NRXN1: variants seen among roughly 807,000 people sequenced by gnomAD.
The protein encoded by NRXN1 is neurexin-1.
In NRXN1, 39 loss-of-function variants were observed where a neutral mutation model predicts 150.9. The observed-to-expected ratio is 0.26, with a 90% CI of 0.20 to 0.34. The LOEUF (loss-of-function observed/expected upper bound fraction) is 0.34, where lower values mean the gene tolerates loss of function less well. Among genes scored for constraint, NRXN1 ranks in the 10% least tolerant of loss-of-function variants. The pLI, the probability that NRXN1 is intolerant of heterozygous loss-of-function variation, is 1.00. For synonymous variants in NRXN1, 924 were observed against 757.0 expected, an observed-to-expected ratio of 1.22 and a Z score of -3.62; for missense variants, 1,815 against 1,949.9, an observed-to-expected ratio of 0.93 and a Z score of 1.30.
intron 17 of NRXN1, among the ~76,000 whole-genome samples, chr2:50,254,994 G>C (rs755881829): frequency 1.3e-5 from 2 of 151,974 alleles, no homozygotes; most frequent in Admixed American, 6.6e-5. Context: ...TTTTTGTTGA[G>C]ATGTGGTTTT....
At chr2:50,450,254 C>A (rs1435437891) in intron 17 of NRXN1, among the ~76,000 whole-genome samples, 3 of 152,130 alleles carry the variant, frequency 2.0e-5, no homozygotes, top group Non-Finnish European at 4.4e-5. Flanking sequence ...ACTTAGCCAG[C>A]ACACAATTGT....
chr2:50,591,074 A>T (rs1475740127), intron 8 of NRXN1, among the ~76,000 whole-genome samples: 5 of 152,178 alleles, frequency 3.3e-5, no homozygotes, highest in Non-Finnish European at 7.3e-5. Flanking sequence ...TGCTGCAAAG[A>T]AAAAAGAAAG....
intron 5 of NRXN1, among the ~76,000 whole-genome samples, chr2:50,709,263 A>G (rs950262033): frequency 6.6e-6 from 1 of 152,176 alleles, no homozygotes; most frequent in African/African-American, 2.4e-5. Flanking sequence ...CTAGGTACTG[A>G]GATGAAACCC....
At chr2:50,596,172 A>G (rs555883714) in intron 8 of NRXN1, among the ~76,000 whole-genome samples, 1 of 152,298 alleles carries the variant, frequency 6.6e-6, no homozygotes, top group South Asian at 2.1e-4. Context: ...AAAACAACCA[A>G]ATAAAAATAC....
At chr2:49,926,534 T>G (rs1669134778) in intron 22 of NRXN1, 2 of 394,462 alleles carry the variant, frequency 5.1e-6, no homozygotes, top group Admixed American at 8.8e-5. Flanking sequence ...AATTTGTTCA[T>G]ATCTGATGAT....
intron 17 of NRXN1, among the ~76,000 whole-genome samples, chr2:50,283,455 C>T (rs2071725553): frequency 6.6e-6 from 1 of 152,054 alleles, no homozygotes; most frequent in South Asian, 2.1e-4. Flanking sequence ...ATACATATGC[C>T]AAAATGAATC....
At chr2:49,977,493 T>G (rs924255621) in intron 21 of NRXN1, among the ~76,000 whole-genome samples, 1 of 152,228 alleles carries the variant, frequency 6.6e-6, no homozygotes, top group South Asian at 2.1e-4. Flanking sequence ...TTCTACCTTC[T>G]TTCCGAAAGA....
chr2:50,019,161 C>G (rs529880973), intron 21 of NRXN1: 19 of 470,762 alleles, frequency 4.0e-5, no homozygotes, highest in Non-Finnish European at 7.1e-5. Context: ...TCATCCTATC[C>G]CTTTGCACAA....
chr2:50,988,624 A>G (rs1698073178), intron 2 of NRXN1, among the ~76,000 whole-genome samples: 1 of 151,942 alleles, frequency 6.6e-6, no homozygotes, highest in Admixed American at 6.6e-5. Flanking sequence ...ATCTAAATCA[A>G]TGCAACCATG....
chr2:50,473,493 G>T (rs891993601), intron 15 of NRXN1, among the ~76,000 whole-genome samples: 1 of 151,920 alleles, frequency 6.6e-6, no homozygotes, highest in Non-Finnish European at 1.5e-5. Context: ...TGGAACATAA[G>T]GAAGGTGAGC....
intron 5 of NRXN1, among the ~76,000 whole-genome samples, chr2:50,758,303 A>T (rs1701394390): frequency 6.6e-6 from 1 of 151,830 alleles, no homozygotes; most frequent in Non-Finnish European, 1.5e-5. Flanking sequence ...GTTGACCTTT[A>T]CTTAATGACT....
chr2:50,315,798 T>A (rs2075555497), intron 17 of NRXN1, among the ~76,000 whole-genome samples: 1 of 152,284 alleles, frequency 6.6e-6, no homozygotes, highest in South Asian at 2.1e-4. Context: ...TAGTAATGCT[T>A]CTTTTGAAGT....
Position 50,394,443 on chromosome 2 carries a change from G to C in NRXN1, c.3364+70999C>G, listed in dbSNP as rs554210880. On this transcript the variant is annotated intron_variant, in intron 17 of 22. Coordinates refer to ENST00000401669, the MANE Select transcript of NRXN1 (RefSeq NM_001330078.2). ...ACACCACTATTCTCACAATTAAGTGGGTCAGAATTAAAGAATATATTTAAA... is the reference window on the plus strand; with the variant it reads ...ACACCACTATTCTCACAATTAAGTGCGTCAGAATTAAAGAATATATTTAAA... 2.8e-4 allele frequency among the ~76,000 whole-genome samples: 43 copies of C among 152,044 alleles called. No individual in the cohort carries two copies. The South Asian group carries it at 5.0e-3, about 18-fold the overall frequency.
intron 15 of NRXN1, among the ~76,000 whole-genome samples, chr2:50,494,239 T>A (rs1031828072): frequency 2.0e-5 from 3 of 152,226 alleles, no homozygotes; most frequent in Admixed American, 1.3e-4. Flanking sequence ...GCTTTTTTTT[T>A]AGCCATTTTA....
intron 8 of NRXN1, among the ~76,000 whole-genome samples, chr2:50,597,527 A>G (rs192518590): frequency 6.6e-5 from 10 of 152,138 alleles, no homozygotes; most frequent in East Asian, 1.9e-4. Context: ...GTGCATCTCA[A>G]TGTCCTGATG....
At chr2:50,443,390 C>T (rs897689440) in intron 17 of NRXN1, among the ~76,000 whole-genome samples, 5 of 152,122 alleles carry the variant, frequency 3.3e-5, no homozygotes, top group Non-Finnish European at 5.9e-5. Flanking sequence ...GGCCTTCAGT[C>T]GTATAGAAAG....
At chr2:50,551,005 AGAGGAGGAG>A (rs1411789996) in intron 9 of NRXN1, among the ~76,000 whole-genome samples, 12 of 143,868 alleles carry the variant, frequency 8.3e-5, no homozygotes, top group South Asian at 2.3e-4. Flanking sequence ...ATCAGAAAGA[AGAGGAGGAG>A]GAAGAGGAAG....
At chr2:50,514,920 T>G (rs1398346612) in intron 12 of NRXN1, among the ~76,000 whole-genome samples, 1 of 152,174 alleles carries the variant, frequency 6.6e-6, no homozygotes, top group East Asian at 1.9e-4. Flanking sequence ...TCCTAACTTT[T>G]TTACTGCTGT....
At chr2:50,558,334 T>C (rs1265517759) in intron 8 of NRXN1, among the ~76,000 whole-genome samples, 1 of 152,220 alleles carries the variant, frequency 6.6e-6, no homozygotes, top group African/African-American at 2.4e-5. Context: ...TCAAACTTTA[T>C]CTTTGTTTCA....
Sources: gnomAD v4.1 joint callset for allele counts (sites outside exome capture counted in the v4.1 genomes callset) on GRCh38, gnomAD v4.1.1 for gene constraint, MANE v1.5 for transcripts, NCBI Gene and HGNC (gene_info 2026-07-23, HGNC 2026-07-21) for gene names.